SUSD4: variants seen among roughly 807,000 people sequenced by gnomAD.
SUSD4 encodes the protein sushi domain-containing protein 4.
A neutral mutation model predicts 50.5 loss-of-function variants in SUSD4; 41 were observed. The observed-to-expected ratio is 0.81, with a 90% CI of 0.63 to 1.05. SUSD4 has a LOEUF of 1.05. SUSD4 is among the 50% of genes least tolerant of loss of function. The pLI, the probability that SUSD4 is intolerant of heterozygous loss-of-function variation, is 0.00. For missense variants in SUSD4, 580 were observed against 634.7 expected (o/e 0.91, Z 0.93); for synonymous variants, 257 against 257.3 (o/e 1.00, Z 0.01).
At chr1:223,284,329 C>T (rs1663984457) in intron 3 of SUSD4, among the ~76,000 whole-genome samples, 2 of 152,198 alleles carry the variant, frequency 1.3e-5, no homozygotes, top group Admixed American at 1.3e-4. Flanking sequence ...AATGTGTCAC[C>T]TGCCTTCCCT....
rs1246651351 is a variant in SUSD4 at position 223,223,577 on chromosome 1, C to T, written c.1116G>A (p.Val372=). The T allele has an allele frequency of 6.2e-7, 1 of 1,613,126 alleles. No homozygotes were observed. Among genetic ancestry groups the T allele is most frequent in the Non-Finnish European group, 8.5e-7 (1 of 1,179,688 alleles). ...CGTCATAGGACGGGAGCATGACGGG[C>T]ACGCCGTCTACCACCACAAAGTCAG... ...SDPDFVVVDG[V]PVMLPSYDEA... is the part of the protein sequence containing the mutation. Residue 372 remains valine (V), a synonymous_variant, in exon 8 of 9, where the codon GTG becomes GTA. Transcript: ENST00000366878.
intron 5 of SUSD4, among the ~76,000 whole-genome samples, chr1:223,252,990 C>G (rs1456707441): frequency 1.3e-5 from 2 of 151,690 alleles, no homozygotes; most frequent in East Asian, 1.9e-4. Context: ...AGTTGGGAGG[C>G]TGAGACAGGA....
chr1:223,226,133 C>T (rs1010190714), intron 7 of SUSD4, among the ~76,000 whole-genome samples: 5 of 152,308 alleles, frequency 3.3e-5, no homozygotes, highest in East Asian at 1.9e-4. Context: ...AGTACTTGAA[C>T]GCACTATCAA....
chr1:223,335,401 A>G (rs1177174355), intron 2 of SUSD4, among the ~76,000 whole-genome samples: 1 of 152,192 alleles, frequency 6.6e-6, no homozygotes, highest in Non-Finnish European at 1.5e-5. Context: ...TTGCCAAGTT[A>G]TCAGTTCAGT....
chr1:223,227,993 C>T lies in SUSD4; in HGVS notation c.917-255G>A, dbSNP rs1396102632. ...GACCTGCATGCTCACATTCCAGTCCCAGGCGCAGGCCTGGCACAGGCTTAA... is the reference window on the plus strand; with the variant it reads ...GACCTGCATGCTCACATTCCAGTCCTAGGCGCAGGCCTGGCACAGGCTTAA... On this transcript the variant is annotated intron_variant, in intron 6 of 8. Coordinates refer to ENST00000366878, the MANE Select transcript of SUSD4 (RefSeq NM_017982.4). The surrounding 1 kb of genome is among the most constrained non-coding windows in gnomAD (Gnocchi z 4.5). 1.3e-5 allele frequency among the ~76,000 whole-genome samples: 2 copies of T among 152,222 alleles called. No individual in the cohort carries two copies. Among genetic ancestry groups the T allele is most frequent in the Non-Finnish European group, 2.9e-5 (2 of 68,036 alleles).
chr1:223,252,073 G>T (rs1661350102), intron 5 of SUSD4, among the ~76,000 whole-genome samples: 1 of 102,776 alleles, frequency 9.7e-6, no homozygotes, highest in Non-Finnish European at 1.8e-5. Context: ...CTGTTGTGGG[G>T]TGGGGGGAGG....
At chr1:223,252,527 G>C (rs1025768003) in intron 5 of SUSD4, among the ~76,000 whole-genome samples, 24 of 152,040 alleles carry the variant, frequency 1.6e-4, no homozygotes, top group African/African-American at 5.6e-4. Context: ...TGCTGCTTTA[G>C]CCATGGTTGG....
At chr1:223,259,312 TAG>T (rs1326536571) in intron 5 of SUSD4, among the ~76,000 whole-genome samples, 1 of 152,216 alleles carries the variant, frequency 6.6e-6, no homozygotes, top group African/African-American at 2.4e-5. Context: ...TCTTTTTATC[TAG>T]AGTGTTGTTG....
At chr1:223,242,782 A>G (rs1660669178) in intron 5 of SUSD4, among the ~76,000 whole-genome samples, 1 of 152,198 alleles carries the variant, frequency 6.6e-6, no homozygotes, top group South Asian at 2.1e-4. Context: ...TGGCTTGCTA[A>G]GGGAGGCTCA....
chr1:223,249,918 G>C (rs1331454546), intron 5 of SUSD4, among the ~76,000 whole-genome samples: 1 of 152,190 alleles, frequency 6.6e-6, no homozygotes, highest in African/African-American at 2.4e-5. Context: ...CAGAATAGGA[G>C]AAAGTGTGAG....
intron 2 of SUSD4, among the ~76,000 whole-genome samples, chr1:223,313,444 T>C (rs1665998315): frequency 6.6e-6 from 1 of 152,198 alleles, no homozygotes; most frequent in East Asian, 1.9e-4. Flanking sequence ...TATGTGTGTC[T>C]TCTTTGGGAT....
intron 2 of SUSD4, 80 bp from the exon 3 acceptor site, chr1:223,292,731 C>T: frequency 1.4e-6 from 2 of 1,461,818 alleles, no homozygotes; most frequent in Non-Finnish European, 1.9e-6. Flanking sequence ...AATGGCAGAC[C>T]CTGCATGATG....
chr1:223,321,866 C>T (rs749611733), intron 2 of SUSD4, among the ~76,000 whole-genome samples: 3 of 152,132 alleles, frequency 2.0e-5, no homozygotes, highest in Admixed American at 1.3e-4. Context: ...CATCAAATAA[C>T]GTTTACTTTG....
At chr1:223,287,243 A>C (rs1034993280) in intron 3 of SUSD4, among the ~76,000 whole-genome samples, 1 of 152,072 alleles carries the variant, frequency 6.6e-6, no homozygotes, top group Admixed American at 6.5e-5. Context: ...CACCTGACTA[A>C]TTTTTGTATT....
intron 7 of SUSD4, 110 bp from the exon 8 acceptor site, chr1:223,223,741 G>A: frequency 1.5e-6 from 2 of 1,316,874 alleles, no homozygotes; most frequent in South Asian, 1.5e-5. Context: ...ATGGGCAGCA[G>A]AGTCCCGTAT....
At chr1:223,224,555 G>A (rs1398651226) in intron 7 of SUSD4, among the ~76,000 whole-genome samples, 4 of 152,140 alleles carry the variant, frequency 2.6e-5, no homozygotes, top group African/African-American at 4.8e-5. Context: ...TTCAAGCTAC[G>A]CAGGCTCACC....
chr1:223,362,165 C>T (rs1669018710), intron 2 of SUSD4, among the ~76,000 whole-genome samples: 1 of 152,222 alleles, frequency 6.6e-6, no homozygotes, highest in Non-Finnish European at 1.5e-5. Context: ...TTTCAGATGT[C>T]TAAGTGGAAT....
intron 2 of SUSD4, among the ~76,000 whole-genome samples, chr1:223,316,251 T>C (rs1029270066): frequency 6.6e-6 from 1 of 152,138 alleles, no homozygotes; most frequent in African/African-American, 2.4e-5. Context: ...GGTGCATTTA[T>C]CCAGAAATCA....
chr1:223,351,702 T>C (rs1283834033), intron 2 of SUSD4, among the ~76,000 whole-genome samples: 3 of 152,130 alleles, frequency 2.0e-5, no homozygotes, highest in Admixed American at 2.0e-4. Flanking sequence ...TGAATTTTGT[T>C]CCACCCTAGA....
Sources: allele counts gnomAD v4.1 joint callset (sites outside exome capture counted in the v4.1 genomes callset), GRCh38; gene constraint gnomAD v4.1.1; non-coding constraint Gnocchi (gnomAD v3.1); transcripts MANE v1.5; gene names NCBI Gene and HGNC (gene_info 2026-07-23, HGNC 2026-07-21).